NAA16: variants seen among roughly 807,000 people sequenced by gnomAD.
NAA16 encodes NARG1-like protein.
In NAA16, 97 loss-of-function variants were observed where a neutral mutation model predicts 110.3. That is an observed-to-expected ratio of 0.88 (90% CI 0.75 to 1.04). NAA16 has a LOEUF of 1.04. Ranked by LOEUF, NAA16 falls within the 50% of genes least tolerant of loss-of-function variation. The pLI is 0.00. For synonymous variants in NAA16, 372 were observed against 330.6 expected, an observed-to-expected ratio of 1.13 and a Z score of -1.36; for missense variants, 1,017 against 1,005.1, an observed-to-expected ratio of 1.01 and a Z score of -0.16.
intron 2 of NAA16, 112 bp downstream of exon 2, chr13:41,317,042 G>A: frequency 1.4e-6 from 1 of 700,306 alleles, no homozygotes; most frequent in Non-Finnish European, 2.5e-6. Flanking sequence ...CTCTATTAGA[G>A]TGCATAAATG....
chr13:41,346,407 A>G (rs2042681447), intron 9 of NAA16, among the ~76,000 whole-genome samples: 1 of 152,212 alleles, frequency 6.6e-6, no homozygotes, highest in Non-Finnish European at 1.5e-5. Flanking sequence ...ACAATAGGAG[A>G]CACTGGAGAG....
intron 9 of NAA16, among the ~76,000 whole-genome samples, chr13:41,354,257 G>A (rs1042457293): frequency 1.3e-5 from 2 of 152,160 alleles, no homozygotes; most frequent in Non-Finnish European, 2.9e-5. Context: ...GATGATCAGT[G>A]GTTTCATGGA....
intron 8 of NAA16, among the ~76,000 whole-genome samples, chr13:41,334,795 C>T (rs1310615794): frequency 6.6e-6 from 1 of 152,164 alleles, no homozygotes; most frequent in East Asian, 1.9e-4. Context: ...CCCCTGGCAA[C>T]TAAGTTTACT....
In NAA16 at chr13:41,347,687, T is replaced by A. The variant is rs117753391; in HGVS notation, c.1015-7457T>A. Reference sequence around the variant, plus strand: ...GGAAATACAGTTGATTTTTGTATGTTGATTTTGTCTTCTGAAACCTTGCTG... The same window carrying A: ...GGAAATACAGTTGATTTTTGTATGTAGATTTTGTCTTCTGAAACCTTGCTG... On this transcript the variant is annotated intron_variant, in intron 9 of 19. Coordinates refer to ENST00000379406, the MANE Select transcript of NAA16 (RefSeq NM_024561.5). 5.5e-3 allele frequency among the ~76,000 whole-genome samples: 844 copies of A among 152,338 alleles called. 5 individuals carry two copies. Among genetic ancestry groups the A allele is most frequent in the Non-Finnish European group, 7.0e-3 (473 of 68,024 alleles).
intron 18 of NAA16, chr13:41,374,426 T>A (rs2043388255): frequency 5.3e-6 from 1 of 187,302 alleles, no homozygotes. Context: ...TCAATTTTAT[T>A]TCTAAGGGGA....
intron 9 of NAA16, among the ~76,000 whole-genome samples, chr13:41,342,959 A>G (rs939154623): frequency 1.4e-4 from 22 of 152,092 alleles, no homozygotes; most frequent in African/African-American, 5.3e-4. Context: ...GTAATTTTTC[A>G]TCAAAAAAGT....
chr13:41,344,516 G>T lies in NAA16; in HGVS notation c.1014+7760G>T, dbSNP rs1376238001. Among the ~76,000 whole-genome samples, 15 of 152,276 alleles carry T rather than the reference G, an allele frequency of 9.9e-5. No homozygotes were observed. The East Asian group carries it at 2.7e-3, about 27-fold the overall frequency. The stretch of plus-strand genomic sequence containing the variant: ...TTGTCGCTGCAGTGAGGTGAGGTGT[G>T]CTACTGGCATCCAGTGTGTGGAGGC... On this transcript the variant is annotated intron_variant, in intron 9 of 19. Coordinates refer to ENST00000379406, the MANE Select transcript of NAA16 (RefSeq NM_024561.5).
rs757294186 is a variant in NAA16 at position 41,323,062 on chromosome 13, A to G, written c.409A>G (p.Arg137Gly). The change falls in exon 5 of 20, where the codon AGA (arginine) becomes GGA (glycine). Residue 137 changes from arginine (R) to glycine (G), a missense_variant. Arg to Gly is a moderately radical substitution (Grantham distance 125). Coordinates refer to ENST00000379406, the MANE Select transcript of NAA16 (RefSeq NM_024561.5). ...MRDLEGYRET[R>G]YQLLQLRPTQ... ...GTTAAAACTTTTTTTTTAGGAGACA[A>G]GATACCAGCTTCTTCAGTTGCGCCC... is the stretch of plus-strand genomic sequence containing the variant. 3 of 1,613,432 alleles carry G rather than the reference A, an allele frequency of 1.9e-6. No homozygotes were observed. In the South Asian group the frequency reaches 3.3e-5, roughly 18 times the overall value.
chr13:41,339,656 C>T (rs2042482569), intron 9 of NAA16, among the ~76,000 whole-genome samples: 1 of 152,164 alleles, frequency 6.6e-6, no homozygotes, highest in Admixed American at 6.5e-5. Context: ...CTTCCGGGTT[C>T]AAACGATTCT....
At chr13:41,348,831 C>T (rs2042752586) in intron 9 of NAA16, among the ~76,000 whole-genome samples, 1 of 152,098 alleles carries the variant, frequency 6.6e-6, no homozygotes, top group African/African-American at 2.4e-5. Context: ...CTCTTCATTA[C>T]TGGTTTATTC....
chr13:41,339,485 A>G (rs1351448954), intron 9 of NAA16, among the ~76,000 whole-genome samples: 1 of 152,124 alleles, frequency 6.6e-6, no homozygotes, highest in Non-Finnish European at 1.5e-5. Flanking sequence ...TTTTTGGCAA[A>G]CTAGAGTTTG....
intron 9 of NAA16, among the ~76,000 whole-genome samples, chr13:41,337,499 C>T (rs966261036): frequency 7.4e-5 from 11 of 148,108 alleles, no homozygotes; most frequent in African/African-American, 2.0e-4. Flanking sequence ...GCCGAGATCG[C>T]GCCACTGCAC....
At chr13:41,339,568 G>GT (rs2042479261) in intron 9 of NAA16, among the ~76,000 whole-genome samples, 1 of 151,928 alleles carries the variant, frequency 6.6e-6, no homozygotes, top group South Asian at 2.1e-4. Flanking sequence ...TTTTGTTTTT[G>GT]TTTTTTTGAG....
Position 41,331,953 on chromosome 13 carries a change from A to T in NAA16, c.907+584A>T, listed in dbSNP as rs555651084. On this transcript the variant is annotated intron_variant, in intron 8 of 19. Coordinates refer to ENST00000379406, the MANE Select transcript of NAA16 (RefSeq NM_024561.5). ...ATTGGTAGAAAAACTGCTTTTCTTAATGTGACTTTTTAAAAAGCACCGTAT... is the reference window on the plus strand; with the variant it reads ...ATTGGTAGAAAAACTGCTTTTCTTATTGTGACTTTTTAAAAAGCACCGTAT... 1.0e-3 allele frequency among the ~76,000 whole-genome samples: 153 copies of T among 152,316 alleles called. 1 individual carries two copies. Among genetic ancestry groups the T allele is most frequent in the African/African-American group, 3.4e-3 (141 of 41,568 alleles).
At chr13:41,314,327 C>T (rs1593398280) in intron 1 of NAA16, among the ~76,000 whole-genome samples, 1 of 152,166 alleles carries the variant, frequency 6.6e-6, no homozygotes, top group East Asian at 1.9e-4. Flanking sequence ...TTCTATTTGT[C>T]TTTCTCAGTA....
intron 19 of NAA16, 41 bp from the exon 20 acceptor site, chr13:41,375,361 CTTA>C (rs758344845): frequency 2.1e-6 from 3 of 1,436,414 alleles, no homozygotes; most frequent in South Asian, 1.2e-5. Flanking sequence ...TAACTGCGAG[CTTA>C]TTATTTTTAA....
At chr13:41,315,592 A>G (rs1302934722) in intron 1 of NAA16, among the ~76,000 whole-genome samples, 1 of 152,184 alleles carries the variant, frequency 6.6e-6, no homozygotes, top group Non-Finnish European at 1.5e-5. Flanking sequence ...ACATTAAAGA[A>G]TTGGTATTAA....
chr13:41,348,518 A>G (rs1771037696), intron 9 of NAA16, among the ~76,000 whole-genome samples: 1 of 152,104 alleles, frequency 6.6e-6, no homozygotes, highest in African/African-American at 2.4e-5. Context: ...ATGGTGGGTA[A>G]TTCTTTTTCC....
rs146523978 is a variant in NAA16, at chr13:41,373,388, G to A, written c.2156-249G>A. ...TTCTCCTGACTCAGCCTCTTGAGTAGCTGGGACTACAGTTGTGTACCACCA... is the reference window on the plus strand; with the variant it reads ...TTCTCCTGACTCAGCCTCTTGAGTAACTGGGACTACAGTTGTGTACCACCA... On this transcript the variant is annotated intron_variant, in intron 17 of 19. Coordinates refer to ENST00000379406, the MANE Select transcript of NAA16 (RefSeq NM_024561.5). 5.0e-4 allele frequency: 141 copies of A among 279,254 alleles called. 2 individuals are homozygous for A. In the East Asian group the frequency reaches 0.022, roughly 44 times the overall value. The allele number at this position is 279,254 out of a possible 1,614,324, so 17.3% of individuals were successfully genotyped here.
Sources: gnomAD v4.1 joint callset for allele counts (sites outside exome capture counted in the v4.1 genomes callset) on GRCh38, gnomAD v4.1.1 for gene constraint, MANE v1.5 for transcripts, NCBI Gene and HGNC (gene_info 2026-07-23, HGNC 2026-07-21) for gene names.